The following CENPK variants were observed in gnomAD, a reference collection of about 807,000 sequenced individuals.
CENPK encodes SoxLZ/Sox6-binding protein Solt.
A neutral mutation model predicts 40.9 loss-of-function variants in CENPK; 46 were observed. The observed-to-expected ratio is 1.13, with a 90% CI of 0.89 to 1.44. The LOEUF is 1.44. Ranked by LOEUF, CENPK falls within the 40% of genes most tolerant of loss-of-function variation. The probability of loss-of-function intolerance (pLI) is 0.00; values close to 1 mark genes in which losing one functional copy is unlikely to be tolerated. For synonymous variants in CENPK, 107 were observed against 104.4 expected (o/e 1.02, Z -0.15); for missense variants, 288 against 303.5 (o/e 0.95, Z 0.38).
intron 10 of CENPK, among the ~76,000 whole-genome samples, chr5:65,519,511 G>A (rs1038292390): frequency 5.3e-5 from 8 of 152,096 alleles, no homozygotes; most frequent in African/African-American, 1.9e-4. Flanking sequence ...TTCCTCAGGG[G>A]CACATAATCA....
At chr5:65,556,755 G>C (rs1751041133) in intron 2 of CENPK, among the ~76,000 whole-genome samples, 1 of 152,150 alleles carries the variant, frequency 6.6e-6, no homozygotes. Flanking sequence ...GCAACTTCTA[G>C]TCCTATAAGC....
intron 2 of CENPK, among the ~76,000 whole-genome samples, chr5:65,558,957 G>T (rs1321277547): frequency 6.6e-6 from 1 of 152,220 alleles, no homozygotes; most frequent in Non-Finnish European, 1.5e-5. Flanking sequence ...AAACAATCTT[G>T]CTAGATGATT....
At chr5:65,518,720 CTCTTT>C in intron 10 of CENPK, 87 bp from the exon 11 acceptor site, 2 of 784,298 alleles carry the variant, frequency 2.6e-6, no homozygotes, top group Middle Eastern at 2.5e-4. Flanking sequence ...GAATATTGAC[CTCTTT>C]TCTTTTTCAA....
chr5:65,533,065 A>G (rs1746175440), intron 6 of CENPK, among the ~76,000 whole-genome samples: 1 of 152,112 alleles, frequency 6.6e-6, no homozygotes, highest in East Asian at 1.9e-4. Context: ...GTGATTTTAA[A>G]ATAAAAGACT....
At chr5:65,559,209 T>C (rs1581114176) in intron 2 of CENPK, among the ~76,000 whole-genome samples, 3 of 152,240 alleles carry the variant, frequency 2.0e-5, no homozygotes, top group South Asian at 4.1e-4. Context: ...AGATACTTCA[T>C]ATTCATGGAC....
intron 3 of CENPK, among the ~76,000 whole-genome samples, chr5:65,553,044 T>C (rs910722098): frequency 6.6e-6 from 1 of 152,116 alleles, no homozygotes; most frequent in Non-Finnish European, 1.5e-5. Flanking sequence ...CATTTCTCTA[T>C]ACAAATTTTA....
At chr5:65,498,596 TTTTC>T in the CENPK span, among the ~76,000 whole-genome samples, 4 of 151,442 alleles carry the variant, frequency 2.6e-5, no homozygotes, top group African/African-American at 9.7e-5. Context: ...TCTCTTTCTT[TTTTC>T]TTTCTTTTCT....
At position 65,559,215 on chromosome 5, in the gene CENPK, T is replaced by C. The variant is rs1313283850; in HGVS notation, c.-40+2248A>G. ...TAAATGGAAAGATACTTCATATTCA[T>C]GGACTGAAAGACCCACATTGTAAAG... is the stretch of plus-strand genomic sequence containing the variant. On this transcript the variant is annotated intron_variant, in intron 2 of 10. Transcript: ENST00000396679. 7.2e-5 allele frequency among the ~76,000 whole-genome samples: 11 copies of C among 152,252 alleles called. 1 individual carries two copies. The East Asian group carries it at 2.1e-3, about 29-fold the overall frequency.
At chr5:65,500,714 G>A in the CENPK span, among the ~76,000 whole-genome samples, 2 of 152,148 alleles carry the variant, frequency 1.3e-5, no homozygotes, top group African/African-American at 4.8e-5. Flanking sequence ...CCAGGCTAGA[G>A]AGCAGTGGCG....
rs759563855 is a variant in CENPK at position 65,529,228 on chromosome 5, T to C, written c.289-29A>G. 13 of 1,459,918 alleles carry C rather than the reference T, an allele frequency of 8.9e-6. No homozygotes were observed. In the South Asian group the frequency reaches 1.2e-4, roughly 13 times the overall value. 90.4% of individuals were successfully genotyped at this position (1,459,918 alleles called of 1,614,324 possible). On this transcript the variant is annotated intron_variant, in intron 6 of 10. Coordinates refer to ENST00000396679, the MANE Select transcript of CENPK (RefSeq NM_022145.5). ...GAATAAAATAATTCAAATTAATTGC[T>C]TGGTCTTTAATCCCAGTTTTATTTC...
chr5:65,513,650 TTC>T (rs1173078622), downstream of CENPK, among the ~76,000 whole-genome samples: 1 of 152,236 alleles, frequency 6.6e-6, no homozygotes, highest in East Asian at 1.9e-4. Context: ...GAACCATACA[TTC>T]TCTGTAAACT....
chr5:65,554,436 C>T (rs1750647904), intron 3 of CENPK, among the ~76,000 whole-genome samples: 1 of 152,168 alleles, frequency 6.6e-6, no homozygotes, highest in Non-Finnish European at 1.5e-5. Context: ...AGGCGTGGCC[C>T]AGTAATTACC....
At chr5:65,543,161 A>C (rs1748277803) in intron 5 of CENPK, among the ~76,000 whole-genome samples, 1 of 152,158 alleles carries the variant, frequency 6.6e-6, no homozygotes, top group Admixed American at 6.5e-5. Flanking sequence ...ATGGGATTTC[A>C]TCATGTTGGC....
chr5:65,541,445 G>C (rs1221939417), intron 6 of CENPK: 1 of 456,294 alleles, frequency 2.2e-6, no homozygotes, highest in Non-Finnish European at 4.4e-6. Context: ...ATCTGCCAAA[G>C]AATTGGTTGC....
chr5:65,505,212 G>C, the CENPK span, among the ~76,000 whole-genome samples: 2 of 152,062 alleles, frequency 1.3e-5, no homozygotes, highest in Non-Finnish European at 2.9e-5. Flanking sequence ...ATTCAAGATT[G>C]ATTATCCTTT....
At chr5:65,532,583 C>T (rs2150393603) in intron 6 of CENPK, among the ~76,000 whole-genome samples, 1 of 152,058 alleles carries the variant, frequency 6.6e-6, no homozygotes, top group Non-Finnish European at 1.5e-5. Flanking sequence ...TAGGAATATG[C>T]AGTTAAGCAG....
intron 6 of CENPK, chr5:65,541,219 A>G: frequency 2.9e-6 from 1 of 345,934 alleles, no homozygotes; most frequent in Admixed American, 3.4e-5. Context: ...ATTAAACCTG[A>G]GGAGGAGGGG....
chr5:65,550,019 T>C (rs1751938307), intron 5 of CENPK, among the ~76,000 whole-genome samples: 2 of 151,782 alleles, frequency 1.3e-5, no homozygotes, highest in African/African-American at 4.8e-5. Flanking sequence ...AATACAAAAA[T>C]TAGCTGGGTG....
chr5:65,500,904 TC>T, the CENPK span, among the ~76,000 whole-genome samples: 1 of 152,024 alleles, frequency 6.6e-6, no homozygotes, highest in Non-Finnish European at 1.5e-5. Context: ...TCTCTTGACC[TC>T]ATGATCCACC....
Sources: gnomAD v4.1 joint callset for allele counts (sites outside exome capture counted in the v4.1 genomes callset) on GRCh38, gnomAD v4.1.1 for gene constraint, MANE v1.5 for transcripts, NCBI Gene and HGNC (gene_info 2026-07-23, HGNC 2026-07-21) for gene names.